CHODL: variants seen among roughly 807,000 people sequenced by gnomAD.
CHODL encodes the protein chondrolectin.
Under a neutral mutation model 34.5 loss-of-function variants are expected in CHODL, and 29 were observed. The ratio of observed to expected loss-of-function variants is 0.84; its 90% CI spans 0.63 to 1.15. CHODL has a LOEUF of 1.15. CHODL is among the 50% of genes most tolerant of loss of function. The pLI is 0.00. For synonymous variants in CHODL, 125 were observed against 116.1 expected, an observed-to-expected ratio of 1.08 and a Z score of -0.49; for missense variants, 332 against 332.5, an observed-to-expected ratio of 1.00 and a Z score of 0.01.
In CHODL at chr21:18,266,448, A is replaced by G. The variant is rs1314859482; in HGVS notation, c.*410A>G. 1.3e-5 allele frequency: 3 copies of G among 235,346 alleles called. No individual in the cohort carries two copies. 14.6% of individuals were successfully genotyped at this position (235,346 alleles called of 1,614,324 possible). On this transcript the variant is annotated 3_prime_UTR_variant, in exon 6 of 6. Transcript: ENST00000299295. ...GTGTGCAAAAGTATTTTACCTTTGC[A>G]TAAGTGTTTGATAAAAATGAACTGT... is the stretch of plus-strand genomic sequence containing the variant.
chr21:18,020,682 G>T (rs543102739), intron 1 of CHODL, among the ~76,000 whole-genome samples: 1 of 152,130 alleles, frequency 6.6e-6, no homozygotes, highest in African/African-American at 2.4e-5. Context: ...GAATGTTTGG[G>T]TCTCTACAAA....
intron 1 of CHODL, among the ~76,000 whole-genome samples, chr21:17,926,380 T>G (rs1740113566): frequency 6.6e-6 from 1 of 151,038 alleles, no homozygotes; most frequent in East Asian, 1.9e-4. Flanking sequence ...AGGTGGGTTT[T>G]TTTTTTTTTT....
At chr21:18,167,201 T>TTCTC (rs72086452) in intron 2 of CHODL, among the ~76,000 whole-genome samples, 26 of 135,790 alleles carry the variant, frequency 1.9e-4, no homozygotes, top group African/African-American at 5.6e-4. Context: ...CCATTCCCAT[T>TTCTC]TCTCTCTCTC....
At position 18,142,578 on chromosome 21, in the gene CHODL, C is replaced by T. The variant is rs140059996; in HGVS notation, c.-44-113931C>T. On this transcript the variant is annotated intron_variant, in intron 2 of 6. Transcript: ENST00000400127. ...AAGTTGAAGAGAAGACTGCAGATTA[C>T]GGTAGACCAGCTTGGGTCACGTTAC... is the stretch of plus-strand genomic sequence containing the variant. Among the ~76,000 whole-genome samples the T allele has an allele frequency of 4.3e-3, 662 of 152,244 alleles. 5 individuals are homozygous for T. The highest frequency in any genetic ancestry group is 7.1e-3 in the Non-Finnish European group (484 of 67,996).
At chr21:18,005,543 T>C (rs1269092406) in intron 1 of CHODL, among the ~76,000 whole-genome samples, 9 of 152,328 alleles carry the variant, frequency 5.9e-5, no homozygotes, top group Admixed American at 5.2e-4. Context: ...AAAAGGTTTG[T>C]GTTAAAGTTA....
intron 1 of CHODL, among the ~76,000 whole-genome samples, chr21:18,010,335 A>G (rs1370428184): frequency 6.6e-6 from 1 of 150,482 alleles, no homozygotes. Context: ...AGAAAAAGGA[A>G]AAAAAAAGAA....
chr21:18,239,419 A>AT (rs2074060605), intron 2 of CHODL, among the ~76,000 whole-genome samples: 1 of 151,994 alleles, frequency 6.6e-6, no homozygotes, highest in Admixed American at 6.6e-5. Context: ...ATTTAAATTG[A>AT]TTTTTTTCTT....
intron 2 of CHODL, among the ~76,000 whole-genome samples, chr21:18,099,694 C>T (rs1238163866): frequency 2.0e-5 from 3 of 152,008 alleles, no homozygotes; most frequent in Non-Finnish European, 4.4e-5. Flanking sequence ...AAGCCAAAAC[C>T]TCAATACCAA....
At chr21:18,146,938 T>G (rs561792788) in intron 2 of CHODL, among the ~76,000 whole-genome samples, 2 of 152,342 alleles carry the variant, frequency 1.3e-5, no homozygotes, top group Non-Finnish European at 2.9e-5. Flanking sequence ...TGCTACTGTG[T>G]TGAGATCTTG....
chr21:18,220,163 T>C (rs2073868772), intron 2 of CHODL, among the ~76,000 whole-genome samples: 1 of 152,198 alleles, frequency 6.6e-6, no homozygotes, highest in African/African-American at 2.4e-5. Flanking sequence ...GCTTTTGGTT[T>C]CCACTTGCAT....
At chr21:18,012,899 A>T (rs889251640) in intron 1 of CHODL, among the ~76,000 whole-genome samples, 1 of 151,746 alleles carries the variant, frequency 6.6e-6, no homozygotes, top group African/African-American at 2.4e-5. Context: ...CTGGAGTGGT[A>T]TTGCTGTCGT....
chr21:18,189,278 T>A (rs1490623550), intron 2 of CHODL, among the ~76,000 whole-genome samples: 2 of 152,214 alleles, frequency 1.3e-5, no homozygotes, highest in Non-Finnish European at 2.9e-5. Context: ...GATAGTCAAT[T>A]TATATTTTAG....
chr21:18,212,973 A>C (rs2073788747), intron 2 of CHODL, among the ~76,000 whole-genome samples: 3 of 152,158 alleles, frequency 2.0e-5, no homozygotes. Flanking sequence ...TTTAAAGAGC[A>C]ATTGCTTGTA....
At chr21:18,241,971 A>G (rs2074086672), upstream of CHODL, among the ~76,000 whole-genome samples, 1 of 151,366 alleles carries the variant, frequency 6.6e-6, no homozygotes, top group Admixed American at 6.6e-5. Flanking sequence ...CCTTAGCCTA[A>G]TCAGTTTGAA....
At chr21:18,026,900 A>T (rs2638083) in intron 1 of CHODL, among the ~76,000 whole-genome samples, 1 of 152,158 alleles carries the variant, frequency 6.6e-6, no homozygotes, top group Non-Finnish European at 1.5e-5. Flanking sequence ...TTTTTGAAGG[A>T]TGTGATAGTT....
At chr21:18,067,654 T>C (rs559651899) in intron 2 of CHODL, among the ~76,000 whole-genome samples, 32 of 152,354 alleles carry the variant, frequency 2.1e-4, no homozygotes, top group Middle Eastern at 6.8e-3. Context: ...TTGTGGTACT[T>C]AGTTACAGCA....
intron 1 of CHODL, among the ~76,000 whole-genome samples, chr21:18,017,662 C>A (rs1308494499): frequency 6.6e-6 from 1 of 152,190 alleles, no homozygotes; most frequent in Non-Finnish European, 1.5e-5. Flanking sequence ...GCAGAGCCCT[C>A]ACAGAGAATC....
intron 2 of CHODL, among the ~76,000 whole-genome samples, chr21:18,118,860 T>C (rs1437591738): frequency 6.6e-6 from 1 of 152,174 alleles, no homozygotes; most frequent in Non-Finnish European, 1.5e-5. Context: ...TTTTGTTTGT[T>C]TTTTACAGTT....
At chr21:18,128,804 T>C (rs1210314696) in intron 2 of CHODL, among the ~76,000 whole-genome samples, 3 of 152,324 alleles carry the variant, frequency 2.0e-5, no homozygotes, top group Admixed American at 1.3e-4. Context: ...CTTACATGCA[T>C]ATATTACATA....
Sources: gnomAD v4.1 joint callset for allele counts (sites outside exome capture counted in the v4.1 genomes callset) on GRCh38, gnomAD v4.1.1 for gene constraint, MANE v1.5 for transcripts, NCBI Gene and HGNC (gene_info 2026-07-23, HGNC 2026-07-21) for gene names.